Variants in TP53BP2 observed in about 807,000 individuals in gnomAD.
The protein encoded by TP53BP2 is tumor protein p53 binding protein 2.
Under a neutral mutation model 126.2 loss-of-function variants are expected in TP53BP2, and 62 were observed. The ratio of observed to expected loss-of-function variants is 0.49; its 90% CI spans 0.40 to 0.61. The LOEUF is 0.61. TP53BP2 is among the 20% of genes least tolerant of loss of function. TP53BP2 has a pLI of 0.00. For synonymous variants in TP53BP2, 485 were observed against 502.9 expected (o/e 0.96, Z 0.48); for missense variants, 1,215 against 1,402.8 (o/e 0.87, Z 2.14).
rs1277634764 is a variant in TP53BP2, at chr1:223,798,506, C to A, written c.1657G>T (p.Ala553Ser). The stretch of plus-strand genomic sequence containing the variant: ...AGCAGCACTCTCGGCTGCTGCCCTG[C>A]TGGTTTTGGTTTAGTTCCCATGGAC... Reference protein sequence around the residue: ...VPSMGTKPKPAGQQPRVLLSP... With the variant: ...VPSMGTKPKPSGQQPRVLLSP... Residue 553 changes from alanine to serine, a missense_variant, in exon 12 of 18, where the codon GCA becomes TCA. Ala to Ser is a moderately conservative substitution (Grantham distance 99, BLOSUM62 1). Transcript: ENST00000343537. 7.4e-6 allele frequency: 12 copies of A among 1,614,042 alleles called. No homozygotes were observed. The highest frequency in any genetic ancestry group is 1.0e-5 in the Non-Finnish European group (12 of 1,180,038).
At chr1:223,783,744 C>T (rs937681057) in intron 17 of TP53BP2, among the ~76,000 whole-genome samples, 1 of 152,134 alleles carries the variant, frequency 6.6e-6, no homozygotes, top group African/African-American at 2.4e-5. Flanking sequence ...TCAAATAGTA[C>T]AGAAAAACAA....
At chr1:223,821,039 G>A in intron 2 of TP53BP2, 181 bp downstream of exon 2, 1 of 734,754 alleles carries the variant, frequency 1.4e-6, no homozygotes, top group Admixed American at 2.9e-5. Context: ...TGGAGAAAAA[G>A]AAAACCGAAA....
At chr1:223,822,331 T>C (rs1455453779) in intron 1 of TP53BP2, among the ~76,000 whole-genome samples, 1 of 152,158 alleles carries the variant, frequency 6.6e-6, no homozygotes, top group African/African-American at 2.4e-5. Context: ...CTACCTGACC[T>C]TGTATATAAA....
chr1:223,783,648 T>C (rs995957077), intron 17 of TP53BP2, among the ~76,000 whole-genome samples: 3 of 152,142 alleles, frequency 2.0e-5, no homozygotes, highest in African/African-American at 7.3e-5. Flanking sequence ...CTTTACATGA[T>C]GACAGCAGTC....
intron 4 of TP53BP2, among the ~76,000 whole-genome samples, chr1:223,807,306 C>T (rs1201867522): frequency 6.6e-6 from 1 of 152,112 alleles, no homozygotes; most frequent in Non-Finnish European, 1.5e-5. Flanking sequence ...GGTATTGAGG[C>T]ACTGGCAGCA....
At chr1:223,819,664 C>A (rs746710821) in intron 2 of TP53BP2, among the ~76,000 whole-genome samples, 1 of 147,832 alleles carries the variant, frequency 6.8e-6, no homozygotes, top group East Asian at 2.0e-4. Flanking sequence ...CCAGCCTGGG[C>A]GACAGAGTGA....
In TP53BP2 at chr1:223,798,466, G is replaced by C; in HGVS notation, c.1697C>G (p.Pro566Arg). ...AAGGGTCTGGTCTTGGCCAACCGAA[G>C]GTATGCTGGGAGATAGCAGCACTCT... ...QPRVLLSPSI[P>R]SVGQDQTLSP... The change falls in exon 12 of 18, where the codon CCT (proline) becomes CGT (arginine). Residue 566 changes from proline to arginine, a missense_variant. This residue lies in a region of TP53BP2 where 814 missense variants were observed against 853.0 expected (regional missense o/e 0.95). Coordinates refer to ENST00000343537, the MANE Select transcript of TP53BP2 (RefSeq NM_001031685.3). The C allele has an allele frequency of 6.2e-7, 1 of 1,614,178 alleles. No individual in the cohort carries two copies. Among genetic ancestry groups the C allele is most frequent in the Non-Finnish European group, 8.5e-7 (1 of 1,180,030 alleles).
At chr1:223,818,638 G>A (rs569509802) in intron 2 of TP53BP2, among the ~76,000 whole-genome samples, 8 of 150,932 alleles carry the variant, frequency 5.3e-5, no homozygotes, top group South Asian at 2.1e-4. Context: ...GGAGTTGTGC[G>A]ATCTCAGCTC....
Position 223,821,210 on chromosome 1 carries a change from C to T in TP53BP2, c.175+10G>A, listed in dbSNP as rs754414831. 3.1e-6 allele frequency: 5 copies of T among 1,613,942 alleles called. No individual in the cohort carries two copies. The highest frequency in any genetic ancestry group is 2.2e-5 in the East Asian group (1 of 44,884). On this transcript the variant is annotated intron_variant, in intron 2 of 17. Coordinates refer to ENST00000343537, the MANE Select transcript of TP53BP2 (RefSeq NM_001031685.3). ...AAGAACTAAAGCACGAGGCTGTCAG[C>T]GTCTCTCACCAGAGCCACACCACAC...
chr1:223,784,342 CA>C (rs1361037398), intron 16 of TP53BP2, 28 bp from the exon 17 acceptor site: 23 of 1,607,572 alleles, frequency 1.4e-5, no homozygotes, highest in Middle Eastern at 1.6e-4. Context: ...AGATAAAGCA[CA>C]GAATATACAA....
At position 223,806,963 on chromosome 1, in the gene TP53BP2, CAAAT is replaced by C. The variant is rs1402443938; in HGVS notation, c.373-20_373-17del. On this transcript the variant is annotated splice_polypyrimidine_tract_variant and intron_variant, in intron 4 of 17. Coordinates refer to ENST00000343537, the MANE Select transcript of TP53BP2 (RefSeq NM_001031685.3). ...GACTATTAACCTACAAGTAAAAACA[CAAAT>C]AAACACAATCCCAGCTTACTATAAA... 21 of 1,572,098 alleles carry C rather than the reference CAAAT, an allele frequency of 1.3e-5. No individual in the cohort carries two copies. The Admixed American group carries it at 3.2e-4, about 24-fold the overall frequency.
chr1:223,809,775 ACCAAAGATGCATG>A (rs1319723074), intron 4 of TP53BP2, among the ~76,000 whole-genome samples: 2 of 152,066 alleles, frequency 1.3e-5, no homozygotes, highest in African/African-American at 4.8e-5. Context: ...TTCAAAATAT[ACCAAAGATGCATG>A]CTCAAATTCA....
intron 1 of TP53BP2, among the ~76,000 whole-genome samples, chr1:223,837,164 G>GGGC (rs57477382): frequency 1.2e-5 from 1 of 81,994 alleles, no homozygotes; most frequent in Non-Finnish European, 2.3e-5. Flanking sequence ...AAGGGGGGGG[G>GGGC]CGGGGGGTCA....
intron 1 of TP53BP2, among the ~76,000 whole-genome samples, chr1:223,835,951 T>G (rs938434105): frequency 1.2e-4 from 18 of 152,142 alleles, no homozygotes; most frequent in Admixed American, 2.0e-4. Context: ...GAAGAAGGCT[T>G]AACATAAAAG....
intron 1 of TP53BP2, among the ~76,000 whole-genome samples, chr1:223,837,690 C>T (rs948272287): frequency 8.5e-5 from 13 of 152,136 alleles, no homozygotes; most frequent in Non-Finnish European, 1.8e-4. Context: ...CTCTTCCCAC[C>T]TTGCCCAAGT....
At chr1:223,845,386 C>T in intron 1 of TP53BP2, 1 of 507,630 alleles carries the variant, frequency 2.0e-6, no homozygotes. Flanking sequence ...GCTGGGCTCG[C>T]GGGCGGCTCG....
intron 15 of TP53BP2, among the ~76,000 whole-genome samples, chr1:223,790,927 T>C (rs145454768): frequency 0.011 from 1,687 of 152,282 alleles, 35 homozygotes; most frequent in African/African-American, 0.038. Context: ...TTAAATAGTT[T>C]GGCAAATATT....
At chr1:223,839,234 C>G (rs911598794) in intron 1 of TP53BP2, among the ~76,000 whole-genome samples, 2 of 152,176 alleles carry the variant, frequency 1.3e-5, no homozygotes, top group African/African-American at 4.8e-5. Flanking sequence ...TGACCAGAAA[C>G]AAATTACTTA....
At chr1:223,793,515 G>C in intron 13 of TP53BP2, 75 bp from the exon 14 acceptor site, 5 of 1,374,270 alleles carry the variant, frequency 3.6e-6, no homozygotes, top group Non-Finnish European at 4.8e-6. Context: ...GGGAAGGAAT[G>C]ACTTCTCACC....
Sources: gnomAD v4.1 joint callset for allele counts (sites outside exome capture counted in the v4.1 genomes callset) on GRCh38, gnomAD v4.1.1 for gene constraint, gnomAD v4.1.1 regional missense constraint, MANE v1.5 for transcripts, NCBI Gene and HGNC (gene_info 2026-07-23, HGNC 2026-07-21) for gene names.